ERAP1: variants seen among roughly 807,000 people sequenced by gnomAD.
ERAP1 encodes adipocyte-derived leucine aminopeptidase.
Under a neutral mutation model 103.7 loss-of-function variants are expected in ERAP1, and 86 were observed. The observed-to-expected ratio is 0.83, with a 90% CI of 0.70 to 0.99. The LOEUF (loss-of-function observed/expected upper bound fraction) is 0.99. Among genes scored for constraint, ERAP1 ranks in the 50% least tolerant of loss-of-function variants. ERAP1 has a pLI of 0.00. For synonymous variants in ERAP1, 398 were observed against 402.4 expected (o/e 0.99, Z 0.13); for missense variants, 1,009 against 1,128.4 (o/e 0.89, Z 1.52).
chr5:96,882,247 C>T, the ERAP1 span, among the ~76,000 whole-genome samples: 7 of 151,994 alleles, frequency 4.6e-5, no homozygotes, highest in African/African-American at 1.7e-4. Context: ...TCATTTTTTT[C>T]AAATGCCGAA....
At chr5:96,852,346 G>T in the ERAP1 span, among the ~76,000 whole-genome samples, 1 of 152,084 alleles carries the variant, frequency 6.6e-6, no homozygotes, top group Non-Finnish European at 1.5e-5. Flanking sequence ...GTAATATTCA[G>T]TGCCCTCCCC....
chr5:96,912,111 A>AC, the ERAP1 span, among the ~76,000 whole-genome samples: 1 of 142,334 alleles, frequency 7.0e-6, no homozygotes, highest in African/African-American at 2.6e-5. Context: ...AATGGTGTGA[A>AC]CCCCGGGGGG....
intron 11 of ERAP1, among the ~76,000 whole-genome samples, chr5:96,787,819 T>C (rs1021275289): frequency 6.7e-6 from 1 of 148,574 alleles, no homozygotes; most frequent in African/African-American, 2.5e-5. Flanking sequence ...TATATACACA[T>C]ATATATGTAT....
At chr5:96,886,975 A>G in the ERAP1 span, among the ~76,000 whole-genome samples, 20 of 151,970 alleles carry the variant, frequency 1.3e-4, no homozygotes, top group Admixed American at 3.3e-4. Context: ...GATAATATTA[A>G]TGTAAGCCTT....
At chr5:96,884,034 TTATCTATC>T in the ERAP1 span, 44,731 of 602,070 alleles carry the variant, frequency 0.074, 2,420 homozygotes, top group Middle Eastern at 0.077. Flanking sequence ...TAATTTGTTT[TTATCTATC>T]TATCTATCTA....
chr5:96,770,623 A>G, downstream of ERAP1: 1 of 1,512,582 alleles, frequency 6.6e-7, no homozygotes, highest in Non-Finnish European at 9.2e-7. Flanking sequence ...CAGTAAATAT[A>G]CTACAAATTA....
chr5:96,890,422 C>A, the ERAP1 span, among the ~76,000 whole-genome samples: 1 of 152,118 alleles, frequency 6.6e-6, no homozygotes. Flanking sequence ...TGCTCTCTCG[C>A]CCACCGCTCA....
chr5:96,921,351 G>T, the ERAP1 span, among the ~76,000 whole-genome samples: 1 of 152,232 alleles, frequency 6.6e-6, no homozygotes, highest in Non-Finnish European at 1.5e-5. Flanking sequence ...GTCAGTTAAG[G>T]TATCTATTCT....
the ERAP1 span, among the ~76,000 whole-genome samples, chr5:96,859,780 G>A: frequency 6.6e-6 from 1 of 152,222 alleles, no homozygotes; most frequent in South Asian, 2.1e-4. Context: ...TAGTACTTAT[G>A]GCATTATTAA....
At chr5:96,835,262 C>T in the ERAP1 span, among the ~76,000 whole-genome samples, 1 of 152,180 alleles carries the variant, frequency 6.6e-6, no homozygotes, top group African/African-American at 2.4e-5. Context: ...TGCTTTAGAA[C>T]TTCTTTGGAG....
rs1390509628 is a variant in ERAP1 at position 96,788,572 on chromosome 5, T to C, written c.1638A>G (p.Gln546=). ...TVRGRNVHMK[Q]EHYMKGSDGA... is the part of the protein sequence containing the mutation. ...CGTCAGAGCCCTTCATGTAGTGCTCTTGCTTCATGTGTACATTCCTCCCCC... is the reference window on the plus strand; with the variant it reads ...CGTCAGAGCCCTTCATGTAGTGCTCCTGCTTCATGTGTACATTCCTCCCCC... The change falls in exon 11 of 19, where the codon CAA becomes CAG. Residue 546 remains glutamine (Q), a synonymous_variant. Coordinates refer to ENST00000443439, the MANE Select transcript of ERAP1 (RefSeq NM_001040458.3). The C allele has an allele frequency of 1.2e-6, 2 of 1,614,228 alleles. No individual in the cohort carries two copies. The highest frequency in any genetic ancestry group is 2.2e-5 in the East Asian group (1 of 44,888).
the ERAP1 span, among the ~76,000 whole-genome samples, chr5:96,888,246 C>A: frequency 2.0e-5 from 3 of 152,156 alleles, no homozygotes; most frequent in East Asian, 5.8e-4. Context: ...AGTTGTGTAG[C>A]ACACATACAC....
At chr5:96,786,349 A>G (rs1581571299) in intron 12 of ERAP1, 121 bp downstream of exon 12, 1 of 709,778 alleles carries the variant, frequency 1.4e-6, no homozygotes, top group East Asian at 2.7e-5. Flanking sequence ...GAAACCAGAA[A>G]GCATTTTCAA....
the ERAP1 span, among the ~76,000 whole-genome samples, chr5:96,901,172 GTTTGTTTGTTTGTTTGAT>G: frequency 8.3e-6 from 1 of 120,022 alleles, no homozygotes; most frequent in African/African-American, 3.4e-5. Flanking sequence ...TGAGGGTTTT[GTTTGTTTGTTTGTTTGAT>G]TTTGTTTGTT....
the ERAP1 span, among the ~76,000 whole-genome samples, chr5:96,868,283 G>C: frequency 6.6e-6 from 1 of 152,096 alleles, no homozygotes; most frequent in Non-Finnish European, 1.5e-5. Flanking sequence ...CAGATTCAAG[G>C]GGAGGAAACA....
the ERAP1 span, among the ~76,000 whole-genome samples, chr5:96,840,772 C>A: frequency 3.3e-5 from 5 of 149,764 alleles, no homozygotes; most frequent in African/African-American, 1.2e-4. Flanking sequence ...GTGGCATGAT[C>A]TCGGCTCACT....
In ERAP1 at chr5:96,788,390, T is replaced by A. The variant is rs1242763877; in HGVS notation, c.1679+141A>T. On this transcript the variant is annotated intron_variant, in intron 11 of 18. Transcript: ENST00000443439. ...ACTGGGAAGATGGGGGCAGGGAGTA[T>A]AAGTCAACTTCATAGGATACACAGA... 3.0e-6 allele frequency: 3 copies of A among 1,001,106 alleles called. No individual in the cohort carries two copies. The East Asian group carries it at 7.6e-5, about 25-fold the overall frequency. 62.0% of individuals were successfully genotyped at this position (1,001,106 alleles called of 1,614,324 possible).
At chr5:96,767,704 G>C (rs1260181982) in intron 19 of ERAP1, among the ~76,000 whole-genome samples, 1 of 152,074 alleles carries the variant, frequency 6.6e-6, no homozygotes, top group Middle Eastern at 3.2e-3. Context: ...TAAGCAACGT[G>C]TATTAAAGAG....
chr5:96,850,499 C>T, the ERAP1 span, among the ~76,000 whole-genome samples: 1 of 152,168 alleles, frequency 6.6e-6, no homozygotes, highest in African/African-American at 2.4e-5. Context: ...TGTTCAACAT[C>T]ACTAATCTTG....
Sources: allele counts gnomAD v4.1 joint callset (sites outside exome capture counted in the v4.1 genomes callset), GRCh38; gene constraint gnomAD v4.1.1; transcripts MANE v1.5; gene names NCBI Gene and HGNC (gene_info 2026-07-23, HGNC 2026-07-21).